Variants in SAMMSON observed in about 807,000 individuals in gnomAD.
The protein encoded by SAMMSON is long intergenic non-protein coding RNA 1212.
intron 3 of SAMMSON, among the ~76,000 whole-genome samples, chr3:70,067,882 T>A (rs1377374597): frequency 6.6e-6 from 1 of 152,110 alleles, no homozygotes; most frequent in African/African-American, 2.4e-5. Context: ...TTTGCCCTGC[T>A]TTTGCTACTG....
intron 9 of SAMMSON, among the ~76,000 whole-genome samples, chr3:70,365,585 G>A (rs1702914025): frequency 6.6e-6 from 1 of 151,658 alleles, no homozygotes; most frequent in South Asian, 2.1e-4. Context: ...CCATTTACTT[G>A]TTAAGTCCAG....
chr3:70,298,082 T>C (rs1702306743), intron 7 of SAMMSON, among the ~76,000 whole-genome samples: 2 of 152,092 alleles, frequency 1.3e-5, no homozygotes, highest in South Asian at 2.1e-4. Context: ...AACAGGGCTG[T>C]GTATAATATA....
At chr3:70,045,079 TA>T (rs1275700171) in intron 3 of SAMMSON, among the ~76,000 whole-genome samples, 71 of 83,370 alleles carry the variant, frequency 8.5e-4, no homozygotes, top group Middle Eastern at 7.0e-3. Flanking sequence ...TTATAATTAA[TA>T]TATATAATTA....
At chr3:70,190,288 GC>G (rs1701121341) in intron 4 of SAMMSON, among the ~76,000 whole-genome samples, 2 of 152,072 alleles carry the variant, frequency 1.3e-5, no homozygotes, top group South Asian at 4.1e-4. Flanking sequence ...ATCACCCCAT[GC>G]CTTATTGCAA....
At chr3:70,269,995 G>C (rs981565411) in intron 6 of SAMMSON, among the ~76,000 whole-genome samples, 1 of 152,112 alleles carries the variant, frequency 6.6e-6, no homozygotes, top group Admixed American at 6.6e-5. Flanking sequence ...AAAACAGATC[G>C]AAACAAACAA....
At chr3:70,288,794 A>T (rs1053191922) in intron 6 of SAMMSON, among the ~76,000 whole-genome samples, 26 of 151,582 alleles carry the variant, frequency 1.7e-4, no homozygotes, top group Non-Finnish European at 2.8e-4. Flanking sequence ...TGTTGAATTG[A>T]TCCCTTTACC....
At chr3:70,387,787 C>G (rs1700988063) in intron 9 of SAMMSON, among the ~76,000 whole-genome samples, 1 of 152,064 alleles carries the variant, frequency 6.6e-6, no homozygotes, top group African/African-American at 2.4e-5. Flanking sequence ...CATCATAACA[C>G]TCCTACAGGG....
At chr3:70,340,668 A>C (rs1702705150) in intron 7 of SAMMSON, among the ~76,000 whole-genome samples, 1 of 152,140 alleles carries the variant, frequency 6.6e-6, no homozygotes, top group Non-Finnish European at 1.5e-5. Flanking sequence ...AGCTCCCTGG[A>C]AGACAACATT....
At chr3:70,295,956 T>C (rs1381222887) in intron 7 of SAMMSON, among the ~76,000 whole-genome samples, 1 of 152,144 alleles carries the variant, frequency 6.6e-6, no homozygotes, top group African/African-American at 2.4e-5. Context: ...TGTGTAGAAA[T>C]AGAACCAATC....
At chr3:70,257,212 T>A (rs1215084579) in intron 6 of SAMMSON, among the ~76,000 whole-genome samples, 8 of 152,226 alleles carry the variant, frequency 5.3e-5, no homozygotes, top group Admixed American at 3.3e-4. Flanking sequence ...TTGGGACAGG[T>A]TTCTTTGGCA....
At position 70,045,088 on chromosome 3, in the gene SAMMSON, T is replaced by A. The variant is rs1409319084; in HGVS notation, n.418-26388T>A. Among the ~76,000 whole-genome samples, 8 of 41,224 alleles carry A rather than the reference T, an allele frequency of 1.9e-4. No individual in the cohort carries two copies. The East Asian group carries it at 5.4e-3, about 28-fold the overall frequency. 27.0% of individuals were successfully genotyped at this position (41,224 alleles called of 152,430 possible). On this transcript the variant is annotated intron_variant and non_coding_transcript_variant, in intron 3 of 9. Coordinates refer to ENST00000642114, the Ensembl canonical transcript of SAMMSON. ...TATATATTATAATTAATATATATAA[T>A]TAATTATAATATATATTATAATTTA...
intron 2 of SAMMSON, among the ~76,000 whole-genome samples, chr3:70,428,839 T>A (rs1424231150): frequency 6.6e-6 from 1 of 152,196 alleles, no homozygotes; most frequent in Non-Finnish European, 1.5e-5. Context: ...TTTCTTCCAA[T>A]GATGATTCAT....
chr3:70,431,914 A>G (rs991602463), intron 2 of SAMMSON, among the ~76,000 whole-genome samples: 4 of 152,064 alleles, frequency 2.6e-5, no homozygotes, highest in African/African-American at 9.7e-5. Context: ...AGTTCATTCA[A>G]CTTTTATTGC....
chr3:70,214,740 A>G (rs898048115), intron 4 of SAMMSON, among the ~76,000 whole-genome samples: 27 of 152,170 alleles, frequency 1.8e-4, no homozygotes, highest in African/African-American at 5.8e-4. Context: ...GTAACGAGGA[A>G]CAATTGACTC....
At chr3:70,284,584 C>A (rs1702122443) in intron 6 of SAMMSON, among the ~76,000 whole-genome samples, 2 of 152,152 alleles carry the variant, frequency 1.3e-5, no homozygotes, top group Admixed American at 1.3e-4. Context: ...AGAATAAGAT[C>A]ATGTCCTTTG....
chr3:70,280,560 T>A (rs1024897129), intron 6 of SAMMSON, among the ~76,000 whole-genome samples: 3 of 152,152 alleles, frequency 2.0e-5, no homozygotes, highest in Non-Finnish European at 2.9e-5. Context: ...ATGTTGGGAC[T>A]CAGAAAACGA....
In SAMMSON at chr3:70,265,838, G is replaced by A. The variant is rs1041437459; in HGVS notation, n.674+16168G>A. Among the ~76,000 whole-genome samples, 12 of 152,130 alleles carry A rather than the reference G, an allele frequency of 7.9e-5. No homozygotes were observed. The East Asian group carries it at 9.6e-4, about 12-fold the overall frequency. ...GCAGGAGAGAGAATGAGTGCCAGCC[G>A]GGGAAATGCCAGACACTTATAAAAC... On this transcript the variant is annotated intron_variant and non_coding_transcript_variant, in intron 6 of 9. Transcript: ENST00000642114.
intron 7 of SAMMSON, chr3:70,312,868 C>A (rs1245912268): frequency 6.6e-6 from 1 of 151,822 alleles, no homozygotes; most frequent in East Asian, 1.9e-4. Context: ...TCAACTGGAC[C>A]AAGTTTCTTC....
At chr3:70,095,215 A>G (rs959662192) in intron 4 of SAMMSON, among the ~76,000 whole-genome samples, 2 of 152,114 alleles carry the variant, frequency 1.3e-5, no homozygotes, top group African/African-American at 2.4e-5. Context: ...AGGTTTCTGA[A>G]AAACCACAGG....
Sources: allele counts gnomAD v4.1 joint callset (sites outside exome capture counted in the v4.1 genomes callset), GRCh38; gene constraint gnomAD v4.1.1; transcripts MANE v1.5; gene names NCBI Gene and HGNC (gene_info 2026-07-23, HGNC 2026-07-21).